The following BCR variants were observed in gnomAD, a reference collection of about 807,000 sequenced individuals.
BCR encodes BCR activator of RhoGEF and GTPase, also known as breakpoint cluster region protein.
BCR carries 58 observed loss-of-function variants against 138.6 expected under a neutral mutation model. The ratio of observed to expected loss-of-function variants is 0.42; its 90% CI spans 0.34 to 0.52. The LOEUF is 0.52. Among genes scored for constraint, BCR ranks in the 20% least tolerant of loss-of-function variants. The pLI, the probability that BCR is intolerant of heterozygous loss-of-function variation, is 0.06. For missense variants in BCR, 1,599 were observed against 1,727.2 expected (o/e 0.93, Z 1.32); for synonymous variants, 786 against 730.1 (o/e 1.08, Z -1.23).
intron 12 of BCR, 48 bp from the exon 13 acceptor site, chr22:23,289,469 C>T: frequency 1.3e-6 from 2 of 1,516,152 alleles, no homozygotes; most frequent in South Asian, 1.1e-5. Flanking sequence ...GGCCAGAGGG[C>T]CAAGGAGCAG....
chr22:23,229,678 C>T (rs1444148233), intron 1 of BCR, among the ~76,000 whole-genome samples: 1 of 152,172 alleles, frequency 6.6e-6, no homozygotes, highest in East Asian at 1.9e-4. Flanking sequence ...AGGGGTGAGC[C>T]CAGGGCTTCT....
intron 1 of BCR, among the ~76,000 whole-genome samples, chr22:23,241,885 C>T (rs994710830): frequency 6.6e-6 from 1 of 152,076 alleles, no homozygotes; most frequent in African/African-American, 2.4e-5. Flanking sequence ...TAAATGGAGC[C>T]CAAGTCCTTG....
chr22:23,194,947 T>C (rs1034839004), intron 1 of BCR, among the ~76,000 whole-genome samples: 1 of 151,956 alleles, frequency 6.6e-6, no homozygotes, highest in Non-Finnish European at 1.5e-5. Flanking sequence ...AGACCCTATC[T>C]CTAAAAAGGA....
At chr22:23,277,431 C>T (rs918154046) in intron 8 of BCR, among the ~76,000 whole-genome samples, 3 of 152,194 alleles carry the variant, frequency 2.0e-5, no homozygotes, top group African/African-American at 7.2e-5. Context: ...GACGTTTCCA[C>T]CCCTCCTCTT....
At chr22:23,268,546 A>C (rs1602085542) in intron 5 of BCR, 31 bp downstream of exon 5, 1 of 1,561,666 alleles carries the variant, frequency 6.4e-7, no homozygotes, top group South Asian at 1.1e-5. Flanking sequence ...AGACAGGTGC[A>C]CCGCTGACTC....
rs138456927 is a variant in BCR, at chr22:23,182,155, G to C, written c.1195G>C (p.Val399Leu). ...HKRHRHCPVV[V>L]SEATIVGVRK... ...GCGGCACCGGCACTGCCCGGTTGTC[G>C]TGTCCGAGGCCACCATCGTGGGCGT... is the stretch of plus-strand genomic sequence containing the variant. Residue 399 changes from valine (V) to leucine (L), a missense_variant, in exon 1 of 23, where the codon GTG (valine) becomes CTG (leucine). Physicochemically the swap from Val to Leu is conservative, Grantham distance 32. Coordinates refer to ENST00000305877, the MANE Select transcript of BCR (RefSeq NM_004327.4). 81 of 1,608,366 alleles carry C rather than the reference G, an allele frequency of 5.0e-5. No homozygotes were observed. The African/African-American group carries it at 9.9e-4, about 20-fold the overall frequency.
At chr22:23,301,300 T>A (rs751084813) in intron 16 of BCR, among the ~76,000 whole-genome samples, 3 of 152,130 alleles carry the variant, frequency 2.0e-5, no homozygotes, top group Non-Finnish European at 4.4e-5. Flanking sequence ...AGCGAGACTA[T>A]CTCAAAAAAG....
intron 1 of BCR, among the ~76,000 whole-genome samples, chr22:23,200,249 T>C (rs1203888605): frequency 6.6e-6 from 1 of 152,166 alleles, no homozygotes; most frequent in Non-Finnish European, 1.5e-5. Flanking sequence ...GCCGGTGGCT[T>C]AGGTCTGGTG....
rs1469557727 is a variant in BCR at position 23,181,715 on chromosome 22, A to G, written c.755A>G (p.Asn252Ser). 6.2e-7 allele frequency: 1 copy of G among 1,603,642 alleles called. No homozygotes were observed. Among genetic ancestry groups the G allele is most frequent in the Non-Finnish European group, 8.5e-7 (1 of 1,179,886 alleles). The change falls in exon 1 of 23, where the codon AAC (asparagine) becomes AGC (serine). Residue 252 changes from asparagine (N) to serine (S), a missense_variant. Asn to Ser is a conservative substitution (Grantham distance 46, BLOSUM62 1). Transcript: ENST00000305877. ...GGCGACTACGAGGACGCCGAGTTGA[A>G]CCCCCGCTTCCTGAAGGACAACCTG... ...VDGDYEDAEL[N>S]PRFLKDNLID...
At chr22:23,254,658 T>C (rs952597669) in intron 2 of BCR, 2 of 511,202 alleles carry the variant, frequency 3.9e-6, no homozygotes, top group African/African-American at 3.9e-5. Context: ...TGATTCCTCT[T>C]GCTGGTCCCA....
chr22:23,244,787 A>G (rs1172113954), intron 1 of BCR, among the ~76,000 whole-genome samples: 1 of 152,188 alleles, frequency 6.6e-6, no homozygotes, highest in East Asian at 1.9e-4. Flanking sequence ...CTGAGGAATA[A>G]TAACTGTATC....
chr22:23,284,942 G>A (rs1377119547), intron 9 of BCR, 91 bp from the exon 10 acceptor site: 16 of 1,434,082 alleles, frequency 1.1e-5, no homozygotes, highest in East Asian at 4.7e-5. Flanking sequence ...ATGTATGGCC[G>A]AGAACACTGG....
intron 16 of BCR, among the ~76,000 whole-genome samples, chr22:23,298,578 C>T (rs530885262): frequency 2.1e-5 from 2 of 94,088 alleles, no homozygotes; most frequent in East Asian, 3.9e-4. Context: ...TCTTCCTTTC[C>T]TTTTTCCTTT....
At chr22:23,224,499 G>A (rs879819233) in intron 1 of BCR, among the ~76,000 whole-genome samples, 3 of 152,182 alleles carry the variant, frequency 2.0e-5, no homozygotes, top group Non-Finnish European at 4.4e-5. Flanking sequence ...TGAAGGAAGA[G>A]CCCACTCCCT....
intron 1 of BCR, among the ~76,000 whole-genome samples, chr22:23,225,842 C>T (rs894130395): frequency 1.5e-4 from 23 of 152,232 alleles, no homozygotes; most frequent in Non-Finnish European, 3.1e-4. Flanking sequence ...CTATTCATTT[C>T]GCACAGTCAG....
At chr22:23,183,415 T>C (rs2072296183) in intron 1 of BCR, among the ~76,000 whole-genome samples, 1 of 152,222 alleles carries the variant, frequency 6.6e-6, no homozygotes, top group Admixed American at 6.5e-5. Flanking sequence ...GCTGCTGCCT[T>C]TTTGTGGTGG....
intron 1 of BCR, among the ~76,000 whole-genome samples, chr22:23,206,765 C>T (rs183083608): frequency 4.6e-5 from 7 of 152,232 alleles, no homozygotes; most frequent in Admixed American, 1.3e-4. Flanking sequence ...TGAGCCATTC[C>T]ATCATTCATC....
chr22:23,288,488 C>T (rs2073744153), intron 12 of BCR, among the ~76,000 whole-genome samples: 3 of 151,696 alleles, frequency 2.0e-5, no homozygotes, highest in Admixed American at 1.3e-4. Context: ...CCTGCCATCT[C>T]CCCCTAGTCT....
At chr22:23,264,397 A>G (rs2073412913) in intron 4 of BCR, 1 of 786,470 alleles carries the variant, frequency 1.3e-6, no homozygotes, top group Non-Finnish European at 2.3e-6. Flanking sequence ...CAAGGAGACC[A>G]GTGAGTCAGG....
Sources: gnomAD v4.1 joint callset for allele counts (sites outside exome capture counted in the v4.1 genomes callset) on GRCh38, gnomAD v4.1.1 for gene constraint, MANE v1.5 for transcripts, NCBI Gene and HGNC (gene_info 2026-07-23, HGNC 2026-07-21) for gene names.